Variants in SKAP1 observed in about 807,000 individuals in gnomAD.
SKAP1 encodes src kinase associated phosphoprotein 1.
In SKAP1, 44 loss-of-function variants were observed where a neutral mutation model predicts 58.5. The ratio of observed to expected loss-of-function variants is 0.75; its 90% CI spans 0.59 to 0.97. The LOEUF is 0.97. Among genes scored for constraint, SKAP1 ranks in the 50% least tolerant of loss-of-function variants. The pLI, the probability that SKAP1 is intolerant of heterozygous loss-of-function variation, is 0.00. For missense variants in SKAP1, 390 were observed against 435.2 expected (o/e 0.90, Z 0.92); for synonymous variants, 127 against 149.7 (o/e 0.85, Z 1.11).
intron 2 of SKAP1, among the ~76,000 whole-genome samples, chr17:48,387,652 A>T (rs543155009): frequency 3.9e-5 from 6 of 152,294 alleles, no homozygotes; most frequent in Non-Finnish European, 8.8e-5. Context: ...GCCACTTTCA[A>T]TTCTAGTTCA....
chr17:48,374,146 C>T (rs1447026190), intron 2 of SKAP1, among the ~76,000 whole-genome samples: 1 of 152,026 alleles, frequency 6.6e-6, no homozygotes, highest in Non-Finnish European at 1.5e-5. Flanking sequence ...GCCATCGTTC[C>T]ACCTTAGCTT....
intron 4 of SKAP1, among the ~76,000 whole-genome samples, chr17:48,271,626 T>C (rs2065634675): frequency 6.6e-6 from 1 of 152,056 alleles, no homozygotes; most frequent in Non-Finnish European, 1.5e-5. Flanking sequence ...CCTCCCAAAG[T>C]GCTGGGATTA....
chr17:48,135,628 C>T (rs1402807592), intron 12 of SKAP1, among the ~76,000 whole-genome samples: 1 of 152,046 alleles, frequency 6.6e-6, no homozygotes, highest in Non-Finnish European at 1.5e-5. Flanking sequence ...CAGACGTGCA[C>T]CACCACACGT....
chr17:48,202,298 G>A (rs2064738714), intron 4 of SKAP1, among the ~76,000 whole-genome samples: 1 of 152,132 alleles, frequency 6.6e-6, no homozygotes. Flanking sequence ...CAGGGTGGGT[G>A]ATCTAATGAG....
chr17:48,255,258 A>G (rs760311883), intron 4 of SKAP1, among the ~76,000 whole-genome samples: 18 of 152,076 alleles, frequency 1.2e-4, no homozygotes, highest in Non-Finnish European at 1.3e-4. Flanking sequence ...ATTATGTCTA[A>G]GAGTGGAGAC....
intron 8 of SKAP1, among the ~76,000 whole-genome samples, 164 bp from the exon 9 acceptor site, chr17:48,180,412 G>A (rs208013): frequency 0.17 from 25,704 of 152,160 alleles, 2,239 homozygotes; most frequent in African/African-American, 0.18. Flanking sequence ...TTGGTGGCAG[G>A]AAATCTACAG....
intron 4 of SKAP1, among the ~76,000 whole-genome samples, chr17:48,233,784 A>T (rs1001123369): frequency 2.0e-5 from 3 of 152,130 alleles, no homozygotes; most frequent in Admixed American, 2.0e-4. Context: ...TGAACCCAGG[A>T]GGCAGAGGTT....
At chr17:48,212,263 T>C (rs1272274761) in intron 4 of SKAP1, among the ~76,000 whole-genome samples, 1 of 152,116 alleles carries the variant, frequency 6.6e-6, no homozygotes, top group South Asian at 2.1e-4. Flanking sequence ...AAAGTAGTTA[T>C]CTGTGGTCCA....
chr17:48,346,058 A>T, intron 3 of SKAP1, 52 bp from the exon 4 acceptor site: 1 of 1,074,716 alleles, frequency 9.3e-7, no homozygotes, highest in Non-Finnish European at 1.4e-6. Context: ...CATCCTTATA[A>T]AAGGATACAT....
intron 4 of SKAP1, among the ~76,000 whole-genome samples, chr17:48,254,143 T>C (rs1166415232): frequency 6.6e-6 from 1 of 152,156 alleles, no homozygotes; most frequent in Non-Finnish European, 1.5e-5. Flanking sequence ...ATTCAACTAA[T>C]TAGCTTCAGT....
chr17:48,444,588 G>A, the SKAP1 span, among the ~76,000 whole-genome samples: 1 of 152,196 alleles, frequency 6.6e-6, no homozygotes, highest in African/African-American at 2.4e-5. Context: ...CCTTGTTCAA[G>A]GGCTTTCTCT....
chr17:48,283,989 C>A (rs912574976), intron 4 of SKAP1, among the ~76,000 whole-genome samples: 4 of 152,198 alleles, frequency 2.6e-5, no homozygotes, highest in Non-Finnish European at 5.9e-5. Flanking sequence ...TGGGATGTAA[C>A]TTTGAAATTG....
intron 2 of SKAP1, among the ~76,000 whole-genome samples, chr17:48,376,746 A>C (rs1423280633): frequency 2.6e-5 from 4 of 152,328 alleles, no homozygotes; most frequent in East Asian, 1.9e-4. Flanking sequence ...GAGCACAGAA[A>C]ACCCAACTGT....
intron 4 of SKAP1, 138 bp from the exon 5 acceptor site, chr17:48,189,638 C>T: frequency 1.7e-6 from 1 of 574,642 alleles, no homozygotes; most frequent in Non-Finnish European, 3.0e-6. Flanking sequence ...AAAACAATTT[C>T]TGTATGATTG....
intron 4 of SKAP1, among the ~76,000 whole-genome samples, chr17:48,309,936 A>G (rs1199638717): frequency 6.6e-6 from 1 of 152,210 alleles, no homozygotes; most frequent in Non-Finnish European, 1.5e-5. Context: ...GGAAGGTGGA[A>G]AGGAATCTTT....
chr17:48,229,698 T>C (rs780393947), intron 4 of SKAP1, among the ~76,000 whole-genome samples: 1 of 152,092 alleles, frequency 6.6e-6, no homozygotes, highest in Non-Finnish European at 1.5e-5. Context: ...CAGGTTCAAC[T>C]CATAACTTTT....
intron 4 of SKAP1, among the ~76,000 whole-genome samples, chr17:48,267,155 C>T (rs886760314): frequency 2.0e-5 from 3 of 152,168 alleles, no homozygotes; most frequent in Non-Finnish European, 4.4e-5. Flanking sequence ...TTAGGATCTT[C>T]TGATAAATTT....
chr17:48,433,771 C>T (rs1158315654), upstream of SKAP1, among the ~76,000 whole-genome samples: 4 of 152,198 alleles, frequency 2.6e-5, no homozygotes, highest in East Asian at 5.8e-4. Flanking sequence ...GGACCCTTCA[C>T]GCACTGTCAG....
intron 6 of SKAP1, among the ~76,000 whole-genome samples, chr17:48,186,181 T>C (rs2064448532): frequency 6.6e-6 from 1 of 152,212 alleles, no homozygotes; most frequent in African/African-American, 2.4e-5. Context: ...ACTGGCTGGA[T>C]TGAATGCCTA....
Sources: allele counts gnomAD v4.1 joint callset (sites outside exome capture counted in the v4.1 genomes callset), GRCh38; gene constraint gnomAD v4.1.1; transcripts MANE v1.5; gene names NCBI Gene and HGNC (gene_info 2026-07-23, HGNC 2026-07-21).